The following RAB4A variants were observed in gnomAD, a reference collection of about 807,000 sequenced individuals.
The protein encoded by RAB4A is RAB4A, member RAS oncogene family, also known as ras-related protein Rab-4A.
A neutral mutation model predicts 34.5 loss-of-function variants in RAB4A; 20 were observed. That is an observed-to-expected ratio of 0.58 (90% confidence interval 0.41 to 0.84). RAB4A has a LOEUF of 0.84. RAB4A is among the 40% of genes least tolerant of loss of function. The pLI, the probability that RAB4A is intolerant of heterozygous loss-of-function variation, is 0.00. For missense variants in RAB4A, 228 were observed against 274.5 expected, an observed-to-expected ratio of 0.83 and a Z score of 1.20; for synonymous variants, 102 against 100.0, an observed-to-expected ratio of 1.02 and a Z score of -0.12.
chr1:229,305,132 GA>G lies in RAB4A; in HGVS notation c.*1342del. On this transcript the variant is annotated 3_prime_UTR_variant, in exon 8 of 8. Transcript: ENST00000366690. ...GCACAGAGACACATAAAAACTCTGG[GA>G]AATGACTAGGATAAAAATATCAGTA... is the stretch of plus-strand genomic sequence containing the variant. The G allele has an allele frequency of 6.3e-7, 1 of 1,580,264 alleles. No individual in the cohort carries two copies. Among genetic ancestry groups the G allele is most frequent in the Non-Finnish European group, 8.6e-7 (1 of 1,165,000 alleles).
intron 1 of RAB4A, among the ~76,000 whole-genome samples, chr1:229,271,961 A>G (rs1184828484): frequency 2.6e-5 from 4 of 152,098 alleles, no homozygotes; most frequent in African/African-American, 9.7e-5. Context: ...TTGGCTATTT[A>G]TAAACATGTC....
chr1:229,297,141 T>G (rs1206885628), intron 4 of RAB4A, among the ~76,000 whole-genome samples: 2 of 152,378 alleles, frequency 1.3e-5, no homozygotes, highest in East Asian at 3.8e-4. Context: ...AGCAATTAGC[T>G]ATGAAATCTT....
intron 6 of RAB4A, among the ~76,000 whole-genome samples, chr1:229,300,595 C>T (rs541030510): frequency 1.3e-5 from 2 of 152,282 alleles, no homozygotes; most frequent in South Asian, 4.2e-4. Context: ...GCAGCTGTCA[C>T]ACTGGTGTCT....
Position 229,297,646 on chromosome 1 carries a change from C to CTT in RAB4A, c.445+13_445+14dup, listed in dbSNP as rs763995229. The CTT allele has an allele frequency of 3.0e-5, 47 of 1,558,950 alleles. 1 individual carries two copies. The highest frequency in any genetic ancestry group is 3.5e-5 in the Non-Finnish European group (41 of 1,156,322). ...TTTGCTCAAGAAAATGGCAAGTGAC[C>CTT]TTTTACTTCTTACTATTTTTCAAAT... is the stretch of plus-strand genomic sequence containing the variant. On this transcript the variant is annotated intron_variant, in intron 5 of 7. Transcript: ENST00000366690.
chr1:229,278,296 T>C (rs772643188), intron 1 of RAB4A, among the ~76,000 whole-genome samples: 25 of 152,376 alleles, frequency 1.6e-4, no homozygotes, highest in Middle Eastern at 3.4e-3. Flanking sequence ...CCCAGCCATC[T>C]GCCTTGCCTG....
chr1:229,300,803 G>A (rs949388292), intron 6 of RAB4A, among the ~76,000 whole-genome samples: 1 of 152,150 alleles, frequency 6.6e-6, no homozygotes, highest in African/African-American at 2.4e-5. Flanking sequence ...AACTGTGGAA[G>A]CAATGTGATC....
rs560942169 is a variant in RAB4A, at chr1:229,280,156, A to G, written c.32-6330A>G. On this transcript the variant is annotated intron_variant, in intron 1 of 7. Transcript: ENST00000366690. Reference sequence around the variant, plus strand: ...CAGATTAAAAATACAAAATAAACCCATAAAACTAGTACAGATTCTGCCATA... The same window carrying G: ...CAGATTAAAAATACAAAATAAACCCGTAAAACTAGTACAGATTCTGCCATA... Among the ~76,000 whole-genome samples the G allele has an allele frequency of 4.7e-4, 71 of 152,344 alleles. 1 individual carries two copies. The South Asian group carries it at 0.014, about 29-fold the overall frequency.
At chr1:229,284,028 C>T (rs958019584) in intron 1 of RAB4A, among the ~76,000 whole-genome samples, 5 of 150,944 alleles carry the variant, frequency 3.3e-5, no homozygotes, top group African/African-American at 9.7e-5. Flanking sequence ...TGAGCCACTG[C>T]GCCCGGCCTC....
Position 229,297,536 on chromosome 1 carries a change from G to A in RAB4A, c.345G>A (p.Ala115=), listed in dbSNP as rs763816611. The change falls in exon 5 of 8, where the codon GCG becomes GCA. Residue 115 remains alanine, a synonymous_variant. Coordinates refer to ENST00000366690, the MANE Select transcript of RAB4A (RefSeq NM_004578.4). ...TNWLTDARML[A]SQNIVIILCG... ...GGTTAACAGATGCCCGAATGCTAGC[G>A]AGCCAGAACATTGTGATCATCCTTT... is the stretch of plus-strand genomic sequence containing the variant. The A allele has an allele frequency of 6.2e-7, 1 of 1,612,392 alleles. No individual in the cohort carries two copies. The highest frequency in any genetic ancestry group is 8.5e-7 in the Non-Finnish European group (1 of 1,179,764).
At chr1:229,300,711 A>G (rs925476422) in intron 6 of RAB4A, among the ~76,000 whole-genome samples, 2 of 152,128 alleles carry the variant, frequency 1.3e-5, no homozygotes, top group Non-Finnish European at 2.9e-5. Context: ...AGACATGAAC[A>G]TGGAGTTATC....
intron 1 of RAB4A, among the ~76,000 whole-genome samples, chr1:229,282,656 C>CT (rs1656805912): frequency 6.6e-6 from 1 of 152,156 alleles, no homozygotes; most frequent in Non-Finnish European, 1.5e-5. Context: ...AGATTGGATA[C>CT]TTTATCATTT....
intron 7 of RAB4A, 34 bp from the exon 8 acceptor site, chr1:229,303,772 T>C (rs1279345820): frequency 6.6e-6 from 1 of 152,276 alleles, no homozygotes; most frequent in African/African-American, 2.4e-5. Flanking sequence ...TTTATAGTTA[T>C]GCAGATTTTG....
At chr1:229,278,993 G>T (rs1571822508) in intron 1 of RAB4A, among the ~76,000 whole-genome samples, 1 of 152,164 alleles carries the variant, frequency 6.6e-6, no homozygotes, top group East Asian at 1.9e-4. Context: ...CTTAATCTCT[G>T]AATTGGCAAC....
rs74524646 is a variant in RAB4A at position 229,281,733 on chromosome 1, G to T, written c.32-4753G>T. Reference sequence around the variant, plus strand: ...TAAAGAATTCTGTTTGATTTACCAAGAGTGCTGTGGAATGTATCTCTGCTC... The same window carrying T: ...TAAAGAATTCTGTTTGATTTACCAATAGTGCTGTGGAATGTATCTCTGCTC... On this transcript the variant is annotated intron_variant, in intron 1 of 7. Coordinates refer to ENST00000366690, the MANE Select transcript of RAB4A (RefSeq NM_004578.4). Among the ~76,000 whole-genome samples the T allele has an allele frequency of 6.8e-3, 1,035 of 151,186 alleles. 12 individuals carry two copies. Among genetic ancestry groups the T allele is most frequent in the African/African-American group, 0.024 (992 of 41,332 alleles).
chr1:229,302,872 C>T lies in RAB4A; in HGVS notation c.552C>T (p.Asp184=). Residue 184 remains aspartate, a synonymous_variant, in exon 7 of 8, where the codon GAC becomes GAT. Transcript: ENST00000366690. ...TTGCTTGGTCCTTAGGTGAGCTGGACCCAGAAAGAATGGGCTCAGGTATTC... is the reference window on the plus strand; with the variant it reads ...TTGCTTGGTCCTTAGGTGAGCTGGATCCAGAAAGAATGGGCTCAGGTATTC... ...ILNKIESGEL[D]PERMGSGIQY... is the part of the protein sequence containing the mutation. The T allele has an allele frequency of 2.5e-6, 4 of 1,612,864 alleles. No homozygotes were observed. The highest frequency in any genetic ancestry group is 3.4e-6 in the Non-Finnish European group (4 of 1,179,394).
In RAB4A at chr1:229,295,630, C is replaced by T. The variant is rs553111220; in HGVS notation, c.228-218C>T. On this transcript the variant is annotated intron_variant, in intron 3 of 7. Coordinates refer to ENST00000366690, the MANE Select transcript of RAB4A (RefSeq NM_004578.4). ...GAGACATCCATCAGAGAGCTGCATC[C>T]GCTGTGAAGGAATCTCCTACTTGCC... Among the ~76,000 whole-genome samples, 9 of 152,280 alleles carry T rather than the reference C, an allele frequency of 5.9e-5. No individual in the cohort carries two copies. The South Asian group carries it at 1.7e-3, about 28-fold the overall frequency.
At chr1:229,300,318 A>T (rs556359800) in intron 6 of RAB4A, among the ~76,000 whole-genome samples, 40 of 152,362 alleles carry the variant, frequency 2.6e-4, no homozygotes, top group South Asian at 2.5e-3. Context: ...GTAGGAGGTT[A>T]TGTTGAAAAC....
At chr1:229,281,485 C>G (rs920093816) in intron 1 of RAB4A, among the ~76,000 whole-genome samples, 2 of 152,010 alleles carry the variant, frequency 1.3e-5, no homozygotes, top group Admixed American at 1.3e-4. Flanking sequence ...TTGTATGATA[C>G]ATCCTTTTCC....
intron 3 of RAB4A, among the ~76,000 whole-genome samples, chr1:229,295,586 C>T (rs1360710791): frequency 2.6e-5 from 4 of 152,154 alleles, no homozygotes; most frequent in Non-Finnish European, 5.9e-5. Flanking sequence ...ACAGCTCACC[C>T]TGCTAGGAGT....
Sources: allele counts gnomAD v4.1 joint callset (sites outside exome capture counted in the v4.1 genomes callset), GRCh38; gene constraint gnomAD v4.1.1; transcripts MANE v1.5; gene names NCBI Gene and HGNC (gene_info 2026-07-23, HGNC 2026-07-21).